Variants in SLC2A9 observed in about 807,000 individuals in gnomAD.
SLC2A9 encodes solute carrier family 2, facilitated glucose transporter member 9.
SLC2A9 carries 39 observed loss-of-function variants against 50.6 expected under a neutral mutation model. That is an observed-to-expected ratio of 0.77 (90% CI 0.60 to 1.01). SLC2A9 has a LOEUF of 1.01. SLC2A9 is among the 50% of genes least tolerant of loss of function. SLC2A9 has a pLI of 0.00. For missense variants in SLC2A9, 686 were observed against 677.6 expected, an observed-to-expected ratio of 1.01 and a Z score of -0.14; for synonymous variants, 324 against 276.9, an observed-to-expected ratio of 1.17 and a Z score of -1.69.
At position 9,920,531 on chromosome 4, in the gene SLC2A9, C is replaced by T; in HGVS notation, c.856G>A (p.Val286Ile). The change falls in exon 7 of 12, where the codon GTA becomes ATA. Residue 286 changes from valine to isoleucine, a missense_variant. Transcript: ENST00000264784. ...CGGCTCTCAGCCAGGACCTCCTCTA[C>T]CTCTTGGGAAACGTCTGCTTTACCC... ...FLGKADVSQEVEEVLAESRVQ... is the reference protein window; with the variant it reads ...FLGKADVSQEIEEVLAESRVQ... The T allele has an allele frequency of 5.6e-6, 9 of 1,614,198 alleles. No homozygotes were observed. The highest frequency in any genetic ancestry group is 2.2e-5 in the South Asian group (2 of 91,090).
chr4:9,863,998 T>C (rs559520542), intron 10 of SLC2A9, among the ~76,000 whole-genome samples: 1 of 152,180 alleles, frequency 6.6e-6, no homozygotes, highest in Admixed American at 6.5e-5. Flanking sequence ...GCATACACTT[T>C]TTCCCCAGAT....
downstream of SLC2A9, among the ~76,000 whole-genome samples, chr4:9,825,443 G>T (rs1724980975): frequency 6.6e-6 from 1 of 152,112 alleles, no homozygotes; most frequent in South Asian, 2.1e-4. Flanking sequence ...CCTTTTCAGA[G>T]AAATCTCTTC....
intron 1 of SLC2A9, among the ~76,000 whole-genome samples, chr4:10,039,878 A>G (rs1401270023): frequency 6.6e-6 from 1 of 152,218 alleles, no homozygotes; most frequent in Non-Finnish European, 1.5e-5. Context: ...AAGAAAGAAG[A>G]AAGGAAGGGA....
intron 1 of SLC2A9, among the ~76,000 whole-genome samples, chr4:9,773,491 G>T (rs1717116463): frequency 6.6e-6 from 1 of 152,240 alleles, no homozygotes; most frequent in Admixed American, 6.5e-5. Flanking sequence ...ATCTTCAGAA[G>T]AAGGAGGGTC....
intron 1 of SLC2A9, among the ~76,000 whole-genome samples, chr4:10,027,188 G>A (rs1362853263): frequency 6.6e-6 from 1 of 152,222 alleles, no homozygotes; most frequent in Admixed American, 6.5e-5. Flanking sequence ...GGCAGTGGCT[G>A]CAGCAGCCTC....
intron 10 of SLC2A9, among the ~76,000 whole-genome samples, chr4:9,877,139 G>A (rs970432016): frequency 3.9e-5 from 6 of 152,174 alleles, no homozygotes; most frequent in Admixed American, 2.0e-4. Context: ...CATCTGATTC[G>A]ACTCCCCCTA....
At chr4:9,891,625 C>G (rs374243364) in intron 8 of SLC2A9, among the ~76,000 whole-genome samples, 3 of 152,088 alleles carry the variant, frequency 2.0e-5, no homozygotes, top group African/African-American at 7.2e-5. Flanking sequence ...AAAGAGAACA[C>G]GGAGGGTCAG....
intron 5 of SLC2A9, among the ~76,000 whole-genome samples, chr4:9,943,205 C>T (rs565750161): frequency 1.8e-4 from 27 of 152,322 alleles, no homozygotes; most frequent in African/African-American, 6.5e-4. Context: ...GAAGGGAGAG[C>T]AGCAGGGCCC....
rs1353944283 is a variant in SLC2A9 at position 9,799,698 on chromosome 4, C to CG, written n.421-458_421-457insC. Among the ~76,000 whole-genome samples the CG allele has an allele frequency of 8.3e-3, 596 of 71,580 alleles. 33 individuals are homozygous for CG. Among genetic ancestry groups the CG allele is most frequent in the Middle Eastern group, 0.063 (12 of 190 alleles). The allele number at this position is 71,580 out of a possible 152,430, so 47.0% of individuals were successfully genotyped here. ...TGAGCTCCATTCCAATTGTACCCCC[C>CG]CCCCACCCAACTTCTACACCAGTTT... On this transcript the variant is annotated intron_variant and non_coding_transcript_variant, in intron 3 of 3. Transcript: ENST00000503280.
chr4:9,884,403 T>C (rs1379826144), intron 10 of SLC2A9, among the ~76,000 whole-genome samples: 1 of 151,342 alleles, frequency 6.6e-6, no homozygotes. Context: ...CCTAAATAGC[T>C]GAGATTACAG....
At chr4:9,946,317 G>C (rs1749146402) in intron 5 of SLC2A9, among the ~76,000 whole-genome samples, 1 of 152,114 alleles carries the variant, frequency 6.6e-6, no homozygotes. Flanking sequence ...TTTCCCCCAA[G>C]CTATAGACTA....
At position 9,957,211 on chromosome 4, in the gene SLC2A9, C is replaced by A. The variant is rs115831126; in HGVS notation, c.682-15166G>T. 1.3e-3 allele frequency among the ~76,000 whole-genome samples: 203 copies of A among 151,860 alleles called. 4 individuals are homozygous for A. Among genetic ancestry groups the A allele is most frequent in the African/African-American group, 4.6e-3 (192 of 41,392 alleles). The stretch of plus-strand genomic sequence containing the variant: ...CCAGATACAGCAGCAAAACAGGAGG[C>A]CAAAAACATGAAAATAAATCTCAGA... On this transcript the variant is annotated intron_variant, in intron 5 of 11. Coordinates refer to ENST00000264784, the MANE Select transcript of SLC2A9 (RefSeq NM_020041.3).
chr4:10,023,586 G>A (rs1472047123), upstream of SLC2A9, among the ~76,000 whole-genome samples: 2 of 152,248 alleles, frequency 1.3e-5, no homozygotes, highest in African/African-American at 4.8e-5. Flanking sequence ...ACATGAATGT[G>A]CAGCTACAGC....
chr4:10,010,252 C>T (rs944088679), intron 2 of SLC2A9, among the ~76,000 whole-genome samples: 4 of 152,222 alleles, frequency 2.6e-5, no homozygotes, highest in Non-Finnish European at 1.5e-5. Context: ...GTAGACAACA[C>T]TCTGTGGGAG....
At chr4:9,917,496 C>T (rs1743100482) in intron 7 of SLC2A9, among the ~76,000 whole-genome samples, 1 of 151,822 alleles carries the variant, frequency 6.6e-6, no homozygotes, top group South Asian at 2.1e-4. Context: ...CCATGCCTGG[C>T]TAATTTTTAT....
In SLC2A9 at chr4:9,889,445, G is replaced by A. The variant is rs1388296346; in HGVS notation, c.1215+1165C>T. Among the ~76,000 whole-genome samples, 7 of 152,270 alleles carry A rather than the reference G, an allele frequency of 4.6e-5. No homozygotes were observed. The South Asian group carries it at 6.2e-4, about 14-fold the overall frequency. The stretch of plus-strand genomic sequence containing the variant: ...CAGAAAGACAATGGCCTGGAACATC[G>A]CCTAACTGGCTTCCTGAGAACTTTG... On this transcript the variant is annotated intron_variant, in intron 9 of 11. Transcript: ENST00000264784.
At chr4:9,947,421 T>C (rs1040037643) in intron 5 of SLC2A9, among the ~76,000 whole-genome samples, 3 of 151,590 alleles carry the variant, frequency 2.0e-5, no homozygotes, top group Non-Finnish European at 4.4e-5. Context: ...GGGGGTGGGC[T>C]GAGGCTAAAT....
intron 2 of SLC2A9, among the ~76,000 whole-genome samples, chr4:10,008,788 G>A (rs944425703): frequency 6.6e-6 from 1 of 152,044 alleles, no homozygotes; most frequent in African/African-American, 2.4e-5. Context: ...GTAATACAGG[G>A]TTATCAGCAT....
chr4:9,978,953 G>T (rs1755256452), intron 5 of SLC2A9, among the ~76,000 whole-genome samples: 1 of 152,206 alleles, frequency 6.6e-6, no homozygotes, highest in South Asian at 2.1e-4. Context: ...GGAATACAGT[G>T]ATTCCTCCAC....
Sources: allele counts gnomAD v4.1 joint callset (sites outside exome capture counted in the v4.1 genomes callset), GRCh38; gene constraint gnomAD v4.1.1; transcripts MANE v1.5; gene names NCBI Gene and HGNC (gene_info 2026-07-23, HGNC 2026-07-21).